MOK: variants seen among roughly 807,000 people sequenced by gnomAD.
MOK encodes the protein MOK protein kinase, also known as MAPK/MAK/MRK overlapping kinase.
In MOK, 59 loss-of-function variants were observed where a neutral mutation model predicts 54.2. The ratio of observed to expected loss-of-function variants is 1.09; its 90% CI spans 0.88 to 1.35. MOK has a LOEUF of 1.35. MOK is among the 40% of genes most tolerant of loss of function. The probability of loss-of-function intolerance (pLI) is 0.00; values close to 1 mark genes in which losing one functional copy is unlikely to be tolerated. For missense variants in MOK, 517 were observed against 526.2 expected, an observed-to-expected ratio of 0.98 and a Z score of 0.17; for synonymous variants, 210 against 202.7, an observed-to-expected ratio of 1.04 and a Z score of -0.31.
chr14:102,225,305 C>T (rs1029769532), downstream of MOK: 2 of 154,922 alleles, frequency 1.3e-5, no homozygotes, highest in African/African-American at 2.4e-5. Context: ...AAGCGATCCT[C>T]CTGCCTCAGC....
chr14:102,215,046 A>G, the MOK span: 1 of 960,778 alleles, frequency 1.0e-6, no homozygotes, highest in Non-Finnish European at 1.2e-6. Context: ...TCTAAGCTTT[A>G]AAAATCCCAG....
intron 7 of MOK, among the ~76,000 whole-genome samples, chr14:102,241,976 G>C (rs2153098701): frequency 6.6e-6 from 1 of 152,318 alleles, no homozygotes; most frequent in East Asian, 1.9e-4. Context: ...TGTCCCATCT[G>C]TGCAGGACCC....
intron 8 of MOK, 123 bp downstream of exon 8, chr14:102,233,565 C>A (rs545286223): frequency 1.6e-4 from 118 of 750,498 alleles, no homozygotes; most frequent in African/African-American, 1.5e-3. Flanking sequence ...TGAACTTGAA[C>A]CCCTGTAGTC....
rs61992536 is a variant in MOK, at chr14:102,268,556, A to G, written c.123-2644T>C. Reference sequence around the variant, plus strand: ...TTTGCTCCGAAAAGAACCAGATGACATTTACCATAAGTGGAATCTACAAAT... The same window carrying G: ...TTTGCTCCGAAAAGAACCAGATGACGTTTACCATAAGTGGAATCTACAAAT... On this transcript the variant is annotated intron_variant, in intron 2 of 11. Transcript: ENST00000361847. Among the ~76,000 whole-genome samples the G allele has an allele frequency of 2.9e-3, 449 of 152,294 alleles. 1 individual carries two copies. The highest frequency in any genetic ancestry group is 4.9e-3 in the Non-Finnish European group (332 of 68,032).
At chr14:102,259,596 T>C (rs1008327638) in intron 4 of MOK, among the ~76,000 whole-genome samples, 3 of 152,138 alleles carry the variant, frequency 2.0e-5, no homozygotes, top group African/African-American at 7.2e-5. Context: ...CCACACAGGG[T>C]TGTCATGAGG....
chr14:102,274,169 G>A (rs2068636058), intron 2 of MOK, among the ~76,000 whole-genome samples: 1 of 151,762 alleles, frequency 6.6e-6, no homozygotes, highest in Non-Finnish European at 1.5e-5. Flanking sequence ...GTTTTAGCCA[G>A]GATGGTCTTG....
intron 7 of MOK, among the ~76,000 whole-genome samples, chr14:102,237,339 C>T (rs934461618): frequency 7.2e-5 from 11 of 152,300 alleles, no homozygotes; most frequent in Non-Finnish European, 1.0e-4. Flanking sequence ...TCTCCCCCTC[C>T]GAAGCTCAAC....
At chr14:102,253,173 T>G (rs1163586225) in intron 4 of MOK, among the ~76,000 whole-genome samples, 1 of 152,216 alleles carries the variant, frequency 6.6e-6, no homozygotes, top group Non-Finnish European at 1.5e-5. Flanking sequence ...GTTGATAATT[T>G]TTTTCCTTTT....
intron 8 of MOK, 129 bp downstream of exon 8, chr14:102,233,559 C>T (rs2064938834): frequency 2.8e-6 from 2 of 714,496 alleles, no homozygotes; most frequent in Non-Finnish European, 4.8e-6. Flanking sequence ...CTCAAGTGAA[C>T]TTGAACCCCT....
Position 102,266,103 on chromosome 14 carries a change from T to C in MOK, c.123-191A>G, listed in dbSNP as rs759934618. ...CTGCATTAAAAAATCAAGGTTCTTATAGCTAGAACATACGTTAAAATTTTT... is the reference window on the plus strand; with the variant it reads ...CTGCATTAAAAAATCAAGGTTCTTACAGCTAGAACATACGTTAAAATTTTT... On this transcript the variant is annotated intron_variant, in intron 2 of 11. Transcript: ENST00000361847. Among the ~76,000 whole-genome samples, 54 of 152,220 alleles carry C rather than the reference T, an allele frequency of 3.5e-4. 1 individual carries two copies. The highest frequency in any genetic ancestry group is 1.9e-3 in the Admixed American group (29 of 15,276).
At chr14:102,219,796 C>G (rs1392207917), downstream of MOK, among the ~76,000 whole-genome samples, 2 of 152,238 alleles carry the variant, frequency 1.3e-5, no homozygotes, top group Non-Finnish European at 2.9e-5. Flanking sequence ...AAGGGCGAAG[C>G]CTGCTAACGG....
intron 1 of MOK, among the ~76,000 whole-genome samples, chr14:102,289,887 T>C (rs778774321): frequency 3.2e-4 from 49 of 152,178 alleles, no homozygotes; most frequent in Non-Finnish European, 6.6e-4. Flanking sequence ...GTCCTTACAA[T>C]TGAAACTAAA....
In MOK at chr14:102,240,221, A is replaced by G. The variant is rs2065599943; in HGVS notation, c.591-6432T>C. 6.6e-6 allele frequency among the ~76,000 whole-genome samples: 1 copy of G among 151,904 alleles called. No individual in the cohort carries two copies. The highest frequency in any genetic ancestry group is 2.4e-5 in the African/African-American group (1 of 41,330). ...GACCCACCCCTATCTCCCTTTGCTG[A>G]CTCTGTTTTCGGACTCAGCCCGCCT... On this transcript the variant is annotated intron_variant, in intron 7 of 11. Coordinates refer to ENST00000361847, the MANE Select transcript of MOK (RefSeq NM_014226.3). This position sits in a 1 kb window ranked among gnomAD's most constrained non-coding sequence, Gnocchi z 5.4.
rs571932194 is a variant in MOK at position 102,230,408 on chromosome 14, A to C, written c.982-751T>G. On this transcript the variant is annotated intron_variant, in intron 10 of 11. Coordinates refer to ENST00000361847, the MANE Select transcript of MOK (RefSeq NM_014226.3). This position sits in a 1 kb window ranked among gnomAD's most constrained non-coding sequence, Gnocchi z 4.1. ...GGCATGTGAAAATTATGTGAAATTC[A>C]AATTTTAGTGTCCCCAGTTCTACTG... 6 of 152,268 alleles carry C rather than the reference A, an allele frequency of 3.9e-5. No homozygotes were observed. The highest frequency in any genetic ancestry group is 1.4e-4 in the African/African-American group (6 of 41,542). The allele number at this position is 152,268 out of a possible 1,614,324, so 9.4% of individuals were successfully genotyped here.
At chr14:102,258,222 T>C (rs1567181920) in intron 4 of MOK, among the ~76,000 whole-genome samples, 1 of 152,168 alleles carries the variant, frequency 6.6e-6, no homozygotes, top group African/African-American at 2.4e-5. Flanking sequence ...CCATTGAACT[T>C]AGAGTAACGA....
Position 102,250,935 on chromosome 14 carries a change from T to C in MOK, c.467A>G (p.Gln156Arg). 1.2e-6 allele frequency: 2 copies of C among 1,614,134 alleles called. No individual in the cohort carries two copies. Among genetic ancestry groups the C allele is most frequent in the African/African-American group, 1.3e-5 (1 of 75,048 alleles). ...FGSCRSVYSKQPYTEYISTRW... is the reference protein window; with the variant it reads ...FGSCRSVYSKRPYTEYISTRW... ...GGTGGAGATGTATTCCGTGTACGGC[T>C]GCTTGGAATAGACACTCCGGCAGGA... The change falls in exon 7 of 12, where the codon CAG (glutamine) becomes CGG (arginine). Residue 156 changes from glutamine to arginine, a missense_variant. By Grantham distance (43) the Gln-to-Arg change is conservative. Transcript: ENST00000361847.
chr14:102,286,017 G>A (rs567932067), intron 1 of MOK, among the ~76,000 whole-genome samples: 17 of 151,430 alleles, frequency 1.1e-4, no homozygotes, highest in African/African-American at 3.4e-4. Flanking sequence ...ATGTGCATCC[G>A]GGCCGGGCGC....
At chr14:102,257,356 C>T (rs1434673240) in intron 4 of MOK, among the ~76,000 whole-genome samples, 1 of 152,010 alleles carries the variant, frequency 6.6e-6, no homozygotes, top group Non-Finnish European at 1.5e-5. Context: ...GCGTTGTCAG[C>T]GGCAGGGCCA....
At chr14:102,272,900 A>G (rs898708524) in intron 2 of MOK, among the ~76,000 whole-genome samples, 2 of 152,100 alleles carry the variant, frequency 1.3e-5, no homozygotes, top group Non-Finnish European at 2.9e-5. Context: ...GGCCGGGCAC[A>G]GTGGCTCACG....
Sources: allele counts gnomAD v4.1 joint callset (sites outside exome capture counted in the v4.1 genomes callset), GRCh38; gene constraint gnomAD v4.1.1; non-coding constraint Gnocchi (gnomAD v3.1); transcripts MANE v1.5; gene names NCBI Gene and HGNC (gene_info 2026-07-23, HGNC 2026-07-21).